Variants in CNBD1 observed in about 807,000 individuals in gnomAD.
CNBD1 encodes cyclic nucleotide-binding domain-containing protein 1.
A neutral mutation model predicts 54.4 loss-of-function variants in CNBD1; 71 were observed. The observed-to-expected ratio is 1.30, with a 90% CI of 1.08 to 1.59. CNBD1 has a LOEUF of 1.59. CNBD1 is among the 40% of genes most tolerant of loss of function. The pLI is 0.00. For synonymous variants in CNBD1, 182 were observed against 170.7 expected (o/e 1.07, Z -0.51); for missense variants, 659 against 518.0 (o/e 1.27, Z -2.64).
At chr8:87,402,019 A>C (rs1363620970) in intron 2 of CNBD1, among the ~76,000 whole-genome samples, 1 of 152,002 alleles carries the variant, frequency 6.6e-6, no homozygotes, top group Non-Finnish European at 1.5e-5. Flanking sequence ...TAATCCATAA[A>C]GAAAAAGAGG....
intron 8 of CNBD1, among the ~76,000 whole-genome samples, chr8:87,303,643 T>TA (rs1264906018): frequency 1.4e-5 from 2 of 143,126 alleles, no homozygotes. Flanking sequence ...AAATGGGATC[T>TA]AATTAACTAA....
intron 4 of CNBD1, among the ~76,000 whole-genome samples, chr8:87,194,772 G>A (rs1417584585): frequency 6.6e-6 from 1 of 151,848 alleles, no homozygotes. Context: ...GGAGTTATTT[G>A]ATTTACATTC....
intron 4 of CNBD1, among the ~76,000 whole-genome samples, chr8:87,090,970 T>A (rs1341878388): frequency 1.3e-5 from 2 of 151,818 alleles, no homozygotes; most frequent in East Asian, 3.9e-4. Context: ...TGAAACCCTG[T>A]CTCTATGAAA....
At chr8:87,151,639 T>A (rs1812606875) in intron 4 of CNBD1, among the ~76,000 whole-genome samples, 2 of 152,150 alleles carry the variant, frequency 1.3e-5, no homozygotes, top group Non-Finnish European at 2.9e-5. Flanking sequence ...CATGGGGAAA[T>A]AACCAAATTG....
At chr8:87,294,383 T>C (rs565355169) in intron 8 of CNBD1, among the ~76,000 whole-genome samples, 1 of 152,296 alleles carries the variant, frequency 6.6e-6, no homozygotes, top group Admixed American at 6.5e-5. Context: ...CAGATGCATA[T>C]GTCTGTGGAT....
chr8:86,986,993 T>C (rs1808623674), intron 4 of CNBD1, among the ~76,000 whole-genome samples: 1 of 152,186 alleles, frequency 6.6e-6, no homozygotes, highest in African/African-American at 2.4e-5. Context: ...GCTATTCCAC[T>C]TCATTTTTGG....
chr8:87,079,804 T>C (rs1466955507), intron 4 of CNBD1, among the ~76,000 whole-genome samples: 3 of 152,188 alleles, frequency 2.0e-5, no homozygotes, highest in Non-Finnish European at 4.4e-5. Flanking sequence ...ATCTTTTAAA[T>C]AGCGGGATAC....
chr8:87,208,381 CTATATTAT>C lies in CNBD1; in HGVS notation c.577+2253_577+2260del, dbSNP rs1422777171. Among the ~76,000 whole-genome samples, 12 of 151,706 alleles carry C rather than the reference CTATATTAT, an allele frequency of 7.9e-5. No homozygotes were observed. In the South Asian group the frequency reaches 2.1e-3, roughly 26 times the overall value. ...GTTAAAATGCTACAAAAAATGATTA[CTATATTAT>C]TATATTATTTACTGACTATATTAAT... On this transcript the variant is annotated intron_variant, in intron 5 of 10. Transcript: ENST00000518476.
At chr8:87,289,377 G>T (rs377703362) in intron 8 of CNBD1, among the ~76,000 whole-genome samples, 2 of 152,068 alleles carry the variant, frequency 1.3e-5, no homozygotes, top group Non-Finnish European at 2.9e-5. Flanking sequence ...TAATTTGGGT[G>T]TGTCCAGTTT....
chr8:87,156,524 G>C (rs932573940), intron 4 of CNBD1, among the ~76,000 whole-genome samples: 4 of 151,714 alleles, frequency 2.6e-5, no homozygotes, highest in African/African-American at 9.7e-5. Context: ...ATTTGCAGCC[G>C]TGAGCCACCG....
At chr8:87,356,406 A>G (rs967060387) in intron 10 of CNBD1, among the ~76,000 whole-genome samples, 2 of 152,200 alleles carry the variant, frequency 1.3e-5, no homozygotes, top group African/African-American at 4.8e-5. Flanking sequence ...TTAGATGGAA[A>G]TGAGGAATCT....
At chr8:87,184,111 C>T (rs751076323) in intron 4 of CNBD1, among the ~76,000 whole-genome samples, 5 of 152,106 alleles carry the variant, frequency 3.3e-5, no homozygotes, top group East Asian at 3.9e-4. Context: ...CATGTGCTCA[C>T]GGGTTGGCTG....
At chr8:86,884,190 C>T (rs1808648070) in intron 1 of CNBD1, among the ~76,000 whole-genome samples, 1 of 151,852 alleles carries the variant, frequency 6.6e-6, no homozygotes, top group Admixed American at 6.6e-5. Flanking sequence ...AAAACCTTGC[C>T]CCTTTCCGTT....
chr8:86,964,651 T>C (rs554989031), intron 4 of CNBD1, among the ~76,000 whole-genome samples: 2 of 152,274 alleles, frequency 1.3e-5, no homozygotes, highest in South Asian at 4.1e-4. Flanking sequence ...CACACATCTG[T>C]TGTAGGAGCA....
chr8:87,366,068 T>C (rs1289467141), intron 10 of CNBD1, among the ~76,000 whole-genome samples: 1 of 152,090 alleles, frequency 6.6e-6, no homozygotes, highest in African/African-American at 2.4e-5. Context: ...TCATTGTAGG[T>C]TGATAGGCCA....
chr8:87,011,926 A>C (rs1809230839), intron 4 of CNBD1, among the ~76,000 whole-genome samples: 1 of 152,180 alleles, frequency 6.6e-6, no homozygotes, highest in Non-Finnish European at 1.5e-5. Context: ...GATTAATTGG[A>C]GTTTAAGAGC....
intron 4 of CNBD1, among the ~76,000 whole-genome samples, chr8:87,054,324 TAGAG>T (rs1810370786): frequency 6.6e-6 from 1 of 152,280 alleles, no homozygotes; most frequent in Admixed American, 6.5e-5. Flanking sequence ...ATCCATCTCA[TAGAG>T]AGACTGTCTA....
chr8:87,230,394 G>A (rs1814653835), intron 5 of CNBD1, among the ~76,000 whole-genome samples: 1 of 152,024 alleles, frequency 6.6e-6, no homozygotes, highest in Non-Finnish European at 1.5e-5. Flanking sequence ...ACATACATTT[G>A]TAGGTATATA....
chr8:87,183,303 G>A (rs930869194), intron 4 of CNBD1, among the ~76,000 whole-genome samples: 1 of 151,180 alleles, frequency 6.6e-6, no homozygotes, highest in African/African-American at 2.4e-5. Context: ...GTTGCTGTAG[G>A]CTTGTAGTTT....
Sources: allele counts gnomAD v4.1 joint callset (sites outside exome capture counted in the v4.1 genomes callset), GRCh38; gene constraint gnomAD v4.1.1; transcripts MANE v1.5; gene names NCBI Gene and HGNC (gene_info 2026-07-23, HGNC 2026-07-21).